The following NCOA1 variants were observed in gnomAD, a reference collection of about 807,000 sequenced individuals.
The protein encoded by NCOA1 is nuclear receptor coactivator 1, also known as Hin-2 protein.
NCOA1 carries 35 observed loss-of-function variants against 150.9 expected under a neutral mutation model. The ratio of observed to expected loss-of-function variants is 0.23; its 90% CI spans 0.18 to 0.31. The LOEUF (loss-of-function observed/expected upper bound fraction) is 0.31. Among genes scored for constraint, NCOA1 ranks in the 10% least tolerant of loss-of-function variants. The pLI, the probability that NCOA1 is intolerant of heterozygous loss-of-function variation, is 1.00. For synonymous variants in NCOA1, 590 were observed against 630.0 expected, an observed-to-expected ratio of 0.94 and a Z score of 0.95; for missense variants, 1,491 against 1,749.3, an observed-to-expected ratio of 0.85 and a Z score of 2.63.
intron 17 of NCOA1, among the ~76,000 whole-genome samples, chr2:24,733,627 C>T (rs937692389): frequency 1.3e-5 from 2 of 152,078 alleles, no homozygotes; most frequent in Non-Finnish European, 2.9e-5. Flanking sequence ...GCCTGTAATC[C>T]CAGTTACTGG....
At chr2:24,646,158 A>G (rs181088020) in intron 4 of NCOA1, among the ~76,000 whole-genome samples, 29 of 152,274 alleles carry the variant, frequency 1.9e-4, no homozygotes, top group Admixed American at 5.2e-4. Flanking sequence ...AACAATTTCA[A>G]ATGTACCAAA....
At chr2:24,673,226 A>G in intron 6 of NCOA1, 140 bp from the exon 7 acceptor site, 1 of 496,240 alleles carries the variant, frequency 2.0e-6, no homozygotes. Flanking sequence ...GAGTATAATT[A>G]AGATTAGTGT....
intron 1 of NCOA1, among the ~76,000 whole-genome samples, chr2:24,554,780 C>A (rs768386443): frequency 6.6e-6 from 1 of 152,156 alleles, no homozygotes; most frequent in Non-Finnish European, 1.5e-5. Flanking sequence ...TTAAGAATGG[C>A]AACCATGCTG....
In NCOA1 at chr2:24,757,855, G is replaced by A. The variant is rs1320906883; in HGVS notation, c.3882-118G>A. On this transcript the variant is annotated intron_variant, in intron 20 of 22. Transcript: ENST00000348332. ...TATTAATTTTTATATATTTTAAGAA[G>A]TTACAGTCATACATGCAATTTAAGG... is the stretch of plus-strand genomic sequence containing the variant. 6 of 860,742 alleles carry A rather than the reference G, an allele frequency of 7.0e-6. No homozygotes were observed. In the African/African-American group the frequency reaches 8.6e-5, roughly 12 times the overall value. 53.3% of individuals were successfully genotyped at this position (860,742 alleles called of 1,614,324 possible).
At chr2:24,763,241 C>G (rs55681360) in intron 22 of NCOA1, among the ~76,000 whole-genome samples, 4,870 of 152,160 alleles carry the variant, frequency 0.032, 111 homozygotes, top group East Asian at 0.11. Flanking sequence ...CTATATTAAC[C>G]TAATTTAGAA....
intron 4 of NCOA1, among the ~76,000 whole-genome samples, chr2:24,645,054 A>G (rs375907257): frequency 6.6e-6 from 1 of 152,188 alleles, no homozygotes; most frequent in Non-Finnish European, 1.5e-5. Context: ...GTTGGCCAAC[A>G]ATGCCTGTGT....
At chr2:24,565,785 T>A (rs537922245) in intron 2 of NCOA1, among the ~76,000 whole-genome samples, 33 of 152,316 alleles carry the variant, frequency 2.2e-4, no homozygotes, top group Admixed American at 7.2e-4. Context: ...CCAGGCACGC[T>A]GGCTGTGGCG....
intron 5 of NCOA1, among the ~76,000 whole-genome samples, chr2:24,661,757 T>C (rs1671194169): frequency 6.6e-6 from 1 of 152,164 alleles, no homozygotes; most frequent in South Asian, 2.1e-4. Context: ...TATATAGGGA[T>C]CTGGTTCTGA....
At chr2:24,635,646 A>C (rs913207749) in intron 3 of NCOA1, among the ~76,000 whole-genome samples, 9 of 152,150 alleles carry the variant, frequency 5.9e-5, no homozygotes, top group African/African-American at 1.9e-4. Context: ...TGCCATATAT[A>C]ATGACTACTT....
chr2:24,701,705 T>G (rs1035371752), intron 11 of NCOA1, among the ~76,000 whole-genome samples: 2 of 152,200 alleles, frequency 1.3e-5, no homozygotes, highest in African/African-American at 4.8e-5. Context: ...AAAGCCATTT[T>G]CATCTTTTAA....
chr2:24,514,693 G>A (rs561640223), intron 1 of NCOA1, among the ~76,000 whole-genome samples: 5 of 152,000 alleles, frequency 3.3e-5, no homozygotes, highest in Admixed American at 2.6e-4. Flanking sequence ...TGGGAGGATC[G>A]CTTAAGCTTG....
At chr2:24,550,656 C>G (rs1444261637) in intron 1 of NCOA1, among the ~76,000 whole-genome samples, 1 of 152,176 alleles carries the variant, frequency 6.6e-6, no homozygotes, top group Non-Finnish European at 1.5e-5. Flanking sequence ...TCAGATATGC[C>G]ACTGTTGTTT....
chr2:24,751,311 G>T (rs557569866), intron 19 of NCOA1, among the ~76,000 whole-genome samples: 1 of 150,878 alleles, frequency 6.6e-6, no homozygotes, highest in African/African-American at 2.4e-5. Flanking sequence ...AGCCGGGCGC[G>T]GTGGCTCACA....
At chr2:24,511,254 C>G (rs1663923374) in intron 1 of NCOA1, among the ~76,000 whole-genome samples, 1 of 152,188 alleles carries the variant, frequency 6.6e-6, no homozygotes, top group South Asian at 2.1e-4. Flanking sequence ...TCTGAACTTT[C>G]ATGTACAAGT....
At chr2:24,763,313 G>A (rs532762753) in intron 22 of NCOA1, among the ~76,000 whole-genome samples, 1 of 152,180 alleles carries the variant, frequency 6.6e-6, no homozygotes, top group East Asian at 2.0e-4. Flanking sequence ...GCCGAGGCGG[G>A]CGGATCACAA....
chr2:24,564,522 T>G (rs866211862), intron 2 of NCOA1, 92 bp downstream of exon 2: 3 of 152,356 alleles, frequency 2.0e-5, no homozygotes, highest in South Asian at 2.1e-4. Flanking sequence ...AGTTTAAAAG[T>G]ACTTATATGT....
intron 6 of NCOA1, 58 bp downstream of exon 6, chr2:24,665,973 A>G (rs1419475501): frequency 5.6e-6 from 6 of 1,069,086 alleles, no homozygotes; most frequent in Non-Finnish European, 7.4e-6. Flanking sequence ...CATTTATAAT[A>G]TGTGATTTTA....
At chr2:24,763,939 T>C (rs953622262) in intron 22 of NCOA1, among the ~76,000 whole-genome samples, 2 of 152,096 alleles carry the variant, frequency 1.3e-5, no homozygotes, top group Non-Finnish European at 2.9e-5. Context: ...AGTCTCTTAA[T>C]GAACATTTTT....
chr2:24,550,597 C>T (rs898476256), intron 1 of NCOA1, among the ~76,000 whole-genome samples: 1 of 152,148 alleles, frequency 6.6e-6, no homozygotes, highest in Admixed American at 6.5e-5. Context: ...CTTTTAACAG[C>T]ACATGGGAAT....
Sources: allele counts gnomAD v4.1 joint callset (sites outside exome capture counted in the v4.1 genomes callset), GRCh38; gene constraint gnomAD v4.1.1; transcripts MANE v1.5; gene names NCBI Gene and HGNC (gene_info 2026-07-23, HGNC 2026-07-21).